Variants in TG observed in about 807,000 individuals in gnomAD.
The protein encoded by TG is thyroglobulin.
TG carries 270 observed loss-of-function variants against 324.7 expected under a neutral mutation model. The ratio of observed to expected loss-of-function variants is 0.83; its 90% CI spans 0.75 to 0.92. The LOEUF (loss-of-function observed/expected upper bound fraction) is 0.92. Among genes scored for constraint, TG ranks in the 40% least tolerant of loss-of-function variants. The probability of loss-of-function intolerance (pLI) is 0.00; values close to 1 mark genes in which losing one functional copy is unlikely to be tolerated. For missense variants in TG, 3,591 were observed against 3,456.4 expected (o/e 1.04, Z -0.98); for synonymous variants, 1,401 against 1,327.0 (o/e 1.06, Z -1.21).
intron 35 of TG, among the ~76,000 whole-genome samples, chr8:133,003,469 T>C (rs138802181): frequency 5.3e-5 from 8 of 152,008 alleles, no homozygotes; most frequent in African/African-American, 1.7e-4. Flanking sequence ...AGTTTCGAAA[T>C]GTGCCATATG....
In TG at chr8:132,887,262, A is replaced by C; in HGVS notation, c.1890A>C (p.Gln630His). 6.2e-7 allele frequency: 1 copy of C among 1,602,686 alleles called. No homozygotes were observed. Among genetic ancestry groups the C allele is most frequent in the South Asian group, 1.1e-5 (1 of 89,222 alleles). The change falls in exon 9 of 48, where the codon CAA (glutamine) becomes CAC (histidine). Residue 630 changes from glutamine to histidine, a missense_variant. Coordinates refer to ENST00000220616, the MANE Select transcript of TG (RefSeq NM_003235.5). ...CTTEGSYEDV[Q>H]CFSGECWCVN... Reference sequence around the variant, plus strand: ...CAGAAGGAAGCTATGAGGATGTCCAATGCTTTTCCGGAGAGTGCTGGTGTG... The same window carrying C: ...CAGAAGGAAGCTATGAGGATGTCCACTGCTTTTCCGGAGAGTGCTGGTGTG...
chr8:132,922,843 C>G (rs1282913086), intron 21 of TG, among the ~76,000 whole-genome samples: 1 of 152,164 alleles, frequency 6.6e-6, no homozygotes, highest in Non-Finnish European at 1.5e-5. Context: ...ATCTAGTCAC[C>G]TCCCAAAGGC....
chr8:132,992,663 C>T (rs1832482043), intron 35 of TG, among the ~76,000 whole-genome samples: 1 of 152,150 alleles, frequency 6.6e-6, no homozygotes, highest in South Asian at 2.1e-4. Context: ...GGCTCTACCC[C>T]AGTGGCTGTG....
chr8:133,087,071 TACACACACACACACACACACACACAC>T (rs56028043), intron 41 of TG, among the ~76,000 whole-genome samples: 6 of 143,046 alleles, frequency 4.2e-5, no homozygotes, highest in Non-Finnish European at 9.1e-5. Flanking sequence ...AATATATGTT[TACACACACACACACACACACACACAC>T]ACACACACAC....
intron 41 of TG, among the ~76,000 whole-genome samples, chr8:133,066,123 A>G (rs887118542): frequency 6.6e-6 from 1 of 152,138 alleles, no homozygotes; most frequent in Non-Finnish European, 1.5e-5. Flanking sequence ...GGAGATCGAG[A>G]CCATCCTGGC....
chr8:133,045,069 G>T (rs780897506), intron 41 of TG: 21 of 1,614,056 alleles, frequency 1.3e-5, no homozygotes, highest in Non-Finnish European at 1.7e-5. Flanking sequence ...GACGGAAAAT[G>T]CGGTAATGCT....
At chr8:132,987,532 T>C (rs1410317253) in intron 35 of TG, among the ~76,000 whole-genome samples, 1 of 152,208 alleles carries the variant, frequency 6.6e-6, no homozygotes, top group East Asian at 1.9e-4. Context: ...GGTCTGTTTT[T>C]CAAATAAGGA....
chr8:133,052,137 C>T (rs1840522629), intron 41 of TG, among the ~76,000 whole-genome samples: 1 of 152,210 alleles, frequency 6.6e-6, no homozygotes. Flanking sequence ...GATCCTGCCT[C>T]TTACAACTCA....
At position 133,063,960 on chromosome 8, in the gene TG, C is replaced by T. The variant is rs143324517; in HGVS notation, c.7240-31084C>T. Among the ~76,000 whole-genome samples the T allele has an allele frequency of 2.6e-5, 4 of 152,206 alleles. No homozygotes were observed. In the East Asian group the frequency reaches 5.8e-4, roughly 22 times the overall value. Reference sequence around the variant, plus strand: ...TGGCTGAAGGTGGGAGAGAGGGTACCGGAGACATAATTGCTTCTAAGAACA... The same window carrying T: ...TGGCTGAAGGTGGGAGAGAGGGTACTGGAGACATAATTGCTTCTAAGAACA... On this transcript the variant is annotated intron_variant, in intron 41 of 47. Transcript: ENST00000220616.
At chr8:133,099,713 A>G (rs1848963245) in intron 43 of TG, among the ~76,000 whole-genome samples, 1 of 152,194 alleles carries the variant, frequency 6.6e-6, no homozygotes, top group South Asian at 2.1e-4. Flanking sequence ...TTCTGTACTC[A>G]GGCTCAAAAC....
intron 46 of TG, among the ~76,000 whole-genome samples, chr8:133,132,641 T>C (rs1303118722): frequency 6.6e-6 from 1 of 152,092 alleles, no homozygotes; most frequent in Non-Finnish European, 1.5e-5. Flanking sequence ...CCTGGAAAGA[T>C]AAAAAGGTGC....
intron 24 of TG, among the ~76,000 whole-genome samples, chr8:132,934,333 CA>C (rs34440378): frequency 0.52 from 78,268 of 151,638 alleles, 21,688 homozygotes; most frequent in Non-Finnish European, 0.61. Context: ...AAGACTCCAT[CA>C]AAAAAACAAA....
chr8:133,058,957 G>T (rs960146837), intron 41 of TG: 47 of 479,922 alleles, frequency 9.8e-5, no homozygotes, highest in South Asian at 3.7e-4. Context: ...GCTGGCTTGG[G>T]GGCATTGGAG....
intron 41 of TG, chr8:133,060,222 G>C (rs747991666): frequency 6.2e-7 from 1 of 1,613,174 alleles, no homozygotes; most frequent in South Asian, 1.1e-5. Flanking sequence ...GAGACAGACG[G>C]GGAAAGTCAA....
chr8:133,051,824 T>C (rs1022096839), intron 41 of TG, among the ~76,000 whole-genome samples: 7 of 152,220 alleles, frequency 4.6e-5, no homozygotes, highest in Non-Finnish European at 7.3e-5. Flanking sequence ...ATACAGTTAT[T>C]ATTTGCTATG....
intron 41 of TG, among the ~76,000 whole-genome samples, chr8:133,069,549 G>T (rs1843632650): frequency 6.6e-6 from 1 of 152,178 alleles, no homozygotes; most frequent in Non-Finnish European, 1.5e-5. Flanking sequence ...TTGCCTTAGG[G>T]TGGGTCACAA....
Position 133,047,944 on chromosome 8 carries a change from G to A in TG, c.7239+17921G>A, listed in dbSNP as rs370998507. 106 of 1,554,470 alleles carry A rather than the reference G, an allele frequency of 6.8e-5. No homozygotes were observed. In the African/African-American group the frequency reaches 1.2e-3, roughly 18 times the overall value. Reference sequence around the variant, plus strand: ...CCCTCAAACAGCCAGCTGGGAAGGAGGAAGACAGCCATTAGGATCCGGAAC... The same window carrying A: ...CCCTCAAACAGCCAGCTGGGAAGGAAGAAGACAGCCATTAGGATCCGGAAC... On this transcript the variant is annotated intron_variant, in intron 41 of 47. Transcript: ENST00000220616.
At chr8:132,971,705 A>G in intron 32 of TG, 89 bp from the exon 33 acceptor site, 1 of 922,830 alleles carries the variant, frequency 1.1e-6, no homozygotes, top group South Asian at 1.3e-5. Flanking sequence ...CTAGTTCCCC[A>G]AAGCAAGAAT....
chr8:132,971,982 C>G, intron 33 of TG, 109 bp downstream of exon 33: 1 of 838,150 alleles, frequency 1.2e-6, no homozygotes, highest in South Asian at 1.4e-5. Context: ...TCCTCGTTCA[C>G]AGATAAGGAA....
Sources: allele counts gnomAD v4.1 joint callset (sites outside exome capture counted in the v4.1 genomes callset), GRCh38; gene constraint gnomAD v4.1.1; transcripts MANE v1.5; gene names NCBI Gene and HGNC (gene_info 2026-07-23, HGNC 2026-07-21).